The following CASKIN1 variants were observed in gnomAD, a reference collection of about 807,000 sequenced individuals.
CASKIN1 encodes CASK interacting protein 1.
In CASKIN1, 42 loss-of-function variants were observed where a neutral mutation model predicts 117.5. That is an observed-to-expected ratio of 0.36 (90% CI 0.28 to 0.46). CASKIN1 has a LOEUF of 0.46. CASKIN1 is among the 20% of genes least tolerant of loss of function. The pLI is 1.00. For missense variants in CASKIN1, 2,083 were observed against 2,077.3 expected, an observed-to-expected ratio of 1.00 and a Z score of -0.05; for synonymous variants, 1,148 against 961.7, an observed-to-expected ratio of 1.19 and a Z score of -3.59.
chr16:2,188,514 C>A (rs2093191532), intron 6 of CASKIN1, among the ~76,000 whole-genome samples: 1 of 151,862 alleles, frequency 6.6e-6, no homozygotes, highest in Non-Finnish European at 1.5e-5. Flanking sequence ...ACACACCCGG[C>A]TAGTTTTTGT....
Position 2,179,459 on chromosome 16 carries a change from G to A in CASKIN1, c.3775+134C>T, listed in dbSNP as rs2093158681. 12 of 1,384,654 alleles carry A rather than the reference G, an allele frequency of 8.7e-6. No individual in the cohort carries two copies. Among genetic ancestry groups the A allele is most frequent in the South Asian group, 1.6e-5 (1 of 60,746 alleles). 85.8% of individuals were successfully genotyped at this position (1,384,654 alleles called of 1,614,324 possible). ...ACCTTGCCCCCAGCCCTGGATGGAT[G>A]AGAGGGTCTGGGGACACGTTCCCAC... On this transcript the variant is annotated intron_variant, in intron 18 of 19. Transcript: ENST00000343516. This position sits in a 1 kb window ranked among gnomAD's most constrained non-coding sequence, Gnocchi z 5.8.
In CASKIN1 at chr16:2,181,188, T is replaced by C. The variant is rs1418571235; in HGVS notation, c.2180A>G (p.Tyr727Cys). 1.9e-6 allele frequency: 3 copies of C among 1,549,014 alleles called. No homozygotes were observed. The highest frequency in any genetic ancestry group is 2.6e-6 in the Non-Finnish European group (3 of 1,159,468). Residue 727 changes from tyrosine (Y) to cysteine (C), a missense_variant, in exon 18 of 20, where the codon TAC becomes TGC. Transcript: ENST00000343516. ...GGGGGCGGGGCCCTCATCCAGGAGGTACTCCTGGCTTCGAGACATGGGGCT... is the reference window on the plus strand; with the variant it reads ...GGGGGCGGGGCCCTCATCCAGGAGGCACTCCTGGCTTCGAGACATGGGGCT... ...PSSPMSRSQE[Y>C]LLDEGPAPGT...
intron 10 of CASKIN1, 74 bp from the exon 11 acceptor site, chr16:2,185,482 G>T: frequency 7.8e-7 from 1 of 1,288,856 alleles, no homozygotes; most frequent in Non-Finnish European, 1.1e-6. Flanking sequence ...GCAGGACAGA[G>T]ACTGGCGCAG....
At chr16:2,192,345 C>T (rs944423877) in intron 1 of CASKIN1, among the ~76,000 whole-genome samples, 4 of 151,756 alleles carry the variant, frequency 2.6e-5, no homozygotes, top group Admixed American at 6.6e-5. Context: ...GATCTTGCCA[C>T]GCCTCTCCTG....
At position 2,180,660 on chromosome 16, in the gene CASKIN1, G is replaced by A. The variant is rs2093164451; in HGVS notation, c.2708C>T (p.Ala903Val). ...PERDELLVPA[A>V]AGPYATVQRR... ...CTGGACCGTGGCATAGGGGCCGGCA[G>A]CCGCAGGCACCAGCAGCTCGTCCCG... is the stretch of plus-strand genomic sequence containing the variant. Residue 903 changes from alanine (A) to valine (V), a missense_variant, in exon 18 of 20, where the codon GCT becomes GTT. Around this residue, in one of 3 missense-constraint regions of CASKIN1, gnomAD observed 1,818 missense variants for 1,688.9 expected, o/e 1.08. Coordinates refer to ENST00000343516, the MANE Select transcript of CASKIN1 (RefSeq NM_020764.4). 3 of 1,527,554 alleles carry A rather than the reference G, an allele frequency of 2.0e-6. No homozygotes were observed. The highest frequency in any genetic ancestry group is 2.6e-6 in the Non-Finnish European group (3 of 1,142,318). The allele number at this position is 1,527,554 out of a possible 1,614,324, so 94.6% of individuals were successfully genotyped here.
At chr16:2,184,005 C>T (rs1044889809) in intron 14 of CASKIN1, 64 bp from the exon 15 acceptor site, 19 of 1,130,416 alleles carry the variant, frequency 1.7e-5, no homozygotes, top group Admixed American at 5.1e-5. Flanking sequence ...ACCACAGTGC[C>T]GCCTCCTCTG....
rs764298665 is a variant in CASKIN1, at chr16:2,178,577, G to A, written c.4269C>T (p.Ala1423=). The change falls in exon 20 of 20, where the codon GCC becomes GCT. Residue 1423 remains alanine, a synonymous_variant. Coordinates refer to ENST00000343516, the MANE Select transcript of CASKIN1 (RefSeq NM_020764.4). The part of the protein sequence containing the change: ...DDIGSMFDDL[A]DQLDAMLE ...ACTCCAGCATGGCATCCAGCTGGTC[G>A]GCCAGGTCGTCGAACATGCTGCCGA... is the stretch of plus-strand genomic sequence containing the variant. The A allele has an allele frequency of 8.2e-5, 131 of 1,596,838 alleles. No homozygotes were observed. Among genetic ancestry groups the A allele is most frequent in the Admixed American group, 2.4e-4 (14 of 59,560 alleles).
chr16:2,190,004 G>A, intron 3 of CASKIN1, 69 bp downstream of exon 3: 1 of 1,403,074 alleles, frequency 7.1e-7, no homozygotes, highest in African/African-American at 1.4e-5. Flanking sequence ...AAGGATCCAT[G>A]CAGGCCCTGG....
Position 2,185,378 on chromosome 16 carries a change from G to A in CASKIN1, c.1079C>T (p.Pro360Leu). ...GGGTCCCGATGAGCTGCTTCCCTGG[G>A]GCAGGCTTGGTTCAGTGCCTGCTCG... is the stretch of plus-strand genomic sequence containing the variant. ...GSRAGTEPSL[P>L]QGSSSSGPSA... The change falls in exon 11 of 20, where the codon CCC becomes CTC. Residue 360 changes from proline to leucine, a missense_variant. Pro to Leu is a moderately conservative substitution (Grantham distance 98). This residue lies in a region of CASKIN1 where 1,818 missense variants were observed against 1,688.9 expected (regional missense o/e 1.08). Coordinates refer to ENST00000343516, the MANE Select transcript of CASKIN1 (RefSeq NM_020764.4). The A allele has an allele frequency of 1.9e-6, 3 of 1,611,382 alleles. No homozygotes were observed. The highest frequency in any genetic ancestry group is 3.3e-4 in the Middle Eastern group (2 of 6,054).
At chr16:2,187,966 C>T (rs1309678509) in intron 6 of CASKIN1, among the ~76,000 whole-genome samples, 1 of 151,832 alleles carries the variant, frequency 6.6e-6, no homozygotes, top group Non-Finnish European at 1.5e-5. Flanking sequence ...TTACTGCAGC[C>T]TCAAACTCCC....
At position 2,180,014 on chromosome 16, in the gene CASKIN1, C is replaced by T. The variant is rs912226881; in HGVS notation, c.3354G>A (p.Val1118=). Residue 1118 remains valine, a synonymous_variant, in exon 18 of 20, where the codon GTG becomes GTA. Coordinates refer to ENST00000343516, the MANE Select transcript of CASKIN1 (RefSeq NM_020764.4). ...GCCTCTTGAGTGTGGCGCTGGCTTC[C>T]ACCTTGGCCAAGGGCGGGCCTTCGA... is the stretch of plus-strand genomic sequence containing the variant. ...AGVEGPPLAK[V]EASATLKRRI... The T allele has an allele frequency of 6.3e-7, 1 of 1,598,412 alleles. No homozygotes were observed. The highest frequency in any genetic ancestry group is 1.3e-5 in the African/African-American group (1 of 74,506).
At chr16:2,192,280 G>A (rs2093203430) in intron 1 of CASKIN1, among the ~76,000 whole-genome samples, 1 of 151,702 alleles carries the variant, frequency 6.6e-6, no homozygotes, top group Non-Finnish European at 1.5e-5. Flanking sequence ...TCCAACCTGG[G>A]TGACAGAGCA....
At position 2,180,894 on chromosome 16, in the gene CASKIN1, T is replaced by C. The variant is rs977068300; in HGVS notation, c.2474A>G (p.Gln825Arg). The change falls in exon 18 of 20, where the codon CAG (glutamine) becomes CGG (arginine). Residue 825 changes from glutamine to arginine, a missense_variant. Gln to Arg is a conservative substitution (Grantham distance 43). Around this residue, in one of 3 missense-constraint regions of CASKIN1, gnomAD observed 1,818 missense variants for 1,688.9 expected, o/e 1.08. Transcript: ENST00000343516. ...ERPMSPRSLP[Q>R]SPTHRGFAYV... is the part of the protein sequence containing the mutation. The stretch of plus-strand genomic sequence containing the variant: ...GGCAAAGCCGCGGTGCGTCGGTGAC[T>C]GAGGCAGGGAGCGGGGTGACATGGG... 2.8e-6 allele frequency: 4 copies of C among 1,443,048 alleles called. No individual in the cohort carries two copies. The highest frequency in any genetic ancestry group is 1.5e-5 in the African/African-American group (1 of 67,176). 89.4% of individuals were successfully genotyped at this position (1,443,048 alleles called of 1,614,324 possible).
intron 15 of CASKIN1, 35 bp downstream of exon 15, chr16:2,183,796 A>T (rs2093175349): frequency 1.2e-6 from 2 of 1,610,888 alleles, no homozygotes; most frequent in Non-Finnish European, 1.7e-6. Context: ...CATCTGTGGG[A>T]CGCAGCTGGC....
intron 6 of CASKIN1, among the ~76,000 whole-genome samples, chr16:2,187,807 G>A (rs1388643929): frequency 6.6e-6 from 1 of 151,698 alleles, no homozygotes; most frequent in Admixed American, 6.6e-5. Context: ...TTTTAGTAGA[G>A]ACGGGGTTTC....
intron 17 of CASKIN1, 85 bp downstream of exon 17, chr16:2,181,706 C>T (rs904159979): frequency 2.1e-4 from 37 of 179,618 alleles, no homozygotes; most frequent in East Asian, 9.1e-4. Context: ...GGGGCTGGGG[C>T]GGGGCTGGGG....
At chr16:2,184,333 A>G (rs182273042) in intron 14 of CASKIN1, among the ~76,000 whole-genome samples, 48 of 152,246 alleles carry the variant, frequency 3.2e-4, no homozygotes, top group Admixed American at 3.1e-3. Context: ...CTGGACCGGA[A>G]GGTGGGCTCT....
At position 2,181,042 on chromosome 16, in the gene CASKIN1, G is replaced by A. The variant is rs774357044; in HGVS notation, c.2326C>T (p.Pro776Ser). The A allele has an allele frequency of 1.0e-5, 15 of 1,488,102 alleles. No individual in the cohort carries two copies. Among genetic ancestry groups the A allele is most frequent in the Non-Finnish European group, 1.3e-5 (15 of 1,123,830 alleles). The allele number at this position is 1,488,102 out of a possible 1,614,324, so 92.2% of individuals were successfully genotyped here. Residue 776 changes from proline (P) to serine (S), a missense_variant, in exon 18 of 20, where the codon CCC becomes TCC. Coordinates refer to ENST00000343516, the MANE Select transcript of CASKIN1 (RefSeq NM_020764.4). The stretch of plus-strand genomic sequence containing the variant: ...CGGGTTTTGGTGGGCGTCTGGGGGG[G>A]CGTGAAGTGGCTAGTGCCTGGTGGG... Reference protein sequence around the residue: ...VLPPGTSHFTPPQTPTKTRPG... With the variant: ...VLPPGTSHFTSPQTPTKTRPG...
Position 2,179,695 on chromosome 16 carries a change from G to C in CASKIN1, c.3673C>G (p.Pro1225Ala), listed in dbSNP as rs758892117. 2.0e-6 allele frequency: 3 copies of C among 1,525,570 alleles called. No homozygotes were observed. Among genetic ancestry groups the C allele is most frequent in the African/African-American group, 2.8e-5 (2 of 72,306 alleles). 94.5% of individuals were successfully genotyped at this position (1,525,570 alleles called of 1,614,324 possible). Residue 1225 changes from proline to alanine, a missense_variant, in exon 18 of 20, where the codon CCT becomes GCT. Coordinates refer to ENST00000343516, the MANE Select transcript of CASKIN1 (RefSeq NM_020764.4). The surrounding 1 kb of genome is among the most constrained non-coding windows in gnomAD (Gnocchi z 5.8). ...GTCAGGACGGGCTTGGGAGAGACAG[G>C]CGGCTTGGCCGGCTTCCGGGCTTCG... ...EGEARKPAKP[P>A]VSPKPVLTQP...
Sources: gnomAD v4.1 joint callset for allele counts (sites outside exome capture counted in the v4.1 genomes callset) on GRCh38, gnomAD v4.1.1 for gene constraint, gnomAD v4.1.1 regional missense constraint, Gnocchi (gnomAD v3.1) non-coding constraint, MANE v1.5 for transcripts, NCBI Gene and HGNC (gene_info 2026-07-23, HGNC 2026-07-21) for gene names.